Variants in ZNF385D observed in about 807,000 individuals in gnomAD.
The protein encoded by ZNF385D is zinc finger protein 659.
Under a neutral mutation model 35.8 loss-of-function variants are expected in ZNF385D, and 15 were observed. That is an observed-to-expected ratio of 0.42 (90% confidence interval 0.28 to 0.64). ZNF385D has a LOEUF of 0.64. ZNF385D is among the 30% of genes least tolerant of loss of function. The pLI is 0.23. For missense variants in ZNF385D, 474 were observed against 494.6 expected, an observed-to-expected ratio of 0.96 and a Z score of 0.39; for synonymous variants, 212 against 186.8, an observed-to-expected ratio of 1.13 and a Z score of -1.10.
intron 2 of ZNF385D, among the ~76,000 whole-genome samples, chr3:21,568,441 C>T (rs2063223172): frequency 6.6e-6 from 1 of 152,090 alleles, no homozygotes; most frequent in Non-Finnish European, 1.5e-5. Flanking sequence ...TATTGTTTTT[C>T]TCTCCAGGAA....
At chr3:21,796,189 C>A (rs752516341) in intron 3 of ZNF385D, among the ~76,000 whole-genome samples, 1 of 152,182 alleles carries the variant, frequency 6.6e-6, no homozygotes, top group South Asian at 2.1e-4. Flanking sequence ...GAGAACCTCA[C>A]TGCTGCAGTA....
intron 3 of ZNF385D, among the ~76,000 whole-genome samples, chr3:21,998,635 AGT>A (rs1695638116): frequency 6.6e-6 from 1 of 152,244 alleles, no homozygotes; most frequent in African/African-American, 2.4e-5. Flanking sequence ...ATTTGTTATT[AGT>A]GTGTTAATAA....
chr3:22,146,786 G>T (rs1306668078), intron 3 of ZNF385D, among the ~76,000 whole-genome samples: 1 of 152,016 alleles, frequency 6.6e-6, no homozygotes, highest in Admixed American at 6.6e-5. Context: ...ACACTAGATT[G>T]CTGAGTAGAC....
At chr3:21,725,400 T>G (rs1312988646) in intron 1 of ZNF385D, among the ~76,000 whole-genome samples, 1 of 152,096 alleles carries the variant, frequency 6.6e-6, no homozygotes, top group Non-Finnish European at 1.5e-5. Context: ...AGGAGCTGTT[T>G]TTTCGAAAAG....
At chr3:21,584,092 G>A (rs572596231) in intron 2 of ZNF385D, among the ~76,000 whole-genome samples, 20 of 151,964 alleles carry the variant, frequency 1.3e-4, no homozygotes, top group African/African-American at 4.8e-4. Flanking sequence ...TCCTGCCTCA[G>A]CCTCCCTAGT....
rs149907994 is a variant in ZNF385D, at chr3:22,020,197, T to C, written c.325+148620A>G. On this transcript the variant is annotated intron_variant, in intron 3 of 5. Coordinates refer to the ZNF385D transcript ENST00000494108. ...AATACATGACAAGGAATTCTTAAAGTGGTGTGGGGTACAGAATAATGACTG... is the reference window on the plus strand; with the variant it reads ...AATACATGACAAGGAATTCTTAAAGCGGTGTGGGGTACAGAATAATGACTG... 3.9e-3 allele frequency among the ~76,000 whole-genome samples: 591 copies of C among 151,928 alleles called. 2 individuals are homozygous for C. The highest frequency in any genetic ancestry group is 0.014 in the African/African-American group (561 of 41,478).
intron 1 of ZNF385D, among the ~76,000 whole-genome samples, chr3:21,712,409 T>C (rs2068147463): frequency 1.3e-5 from 2 of 152,178 alleles, no homozygotes; most frequent in Non-Finnish European, 2.9e-5. Flanking sequence ...GAACTCACGG[T>C]CTCTTCTCTT....
intron 3 of ZNF385D, among the ~76,000 whole-genome samples, chr3:21,992,870 T>C (rs1383283434): frequency 2.0e-5 from 3 of 152,196 alleles, no homozygotes; most frequent in Admixed American, 6.5e-5. Context: ...TTAGTATGCA[T>C]AGCTGATGAG....
intron 3 of ZNF385D, among the ~76,000 whole-genome samples, chr3:21,834,775 C>CTTGGATG (rs1695220862): frequency 6.6e-6 from 1 of 151,694 alleles, no homozygotes; most frequent in South Asian, 2.1e-4. Context: ...ATGAATGGAT[C>CTTGGATG]TTGGGGCAGT....
At chr3:21,758,353 A>T (rs541939426) in intron 3 of ZNF385D, among the ~76,000 whole-genome samples, 1 of 152,348 alleles carries the variant, frequency 6.6e-6, no homozygotes, top group East Asian at 1.9e-4. Context: ...TGCCATTAAC[A>T]TCAGACATTG....
At chr3:21,918,459 T>G (rs983279198) in intron 3 of ZNF385D, among the ~76,000 whole-genome samples, 1 of 151,464 alleles carries the variant, frequency 6.6e-6, no homozygotes, top group African/African-American at 2.4e-5. Flanking sequence ...AATTCTAAAA[T>G]TGTCTTTCTT....
At chr3:22,191,902 A>T (rs377677078) in intron 2 of ZNF385D, among the ~76,000 whole-genome samples, 1 of 104,510 alleles carries the variant, frequency 9.6e-6, no homozygotes, top group African/African-American at 5.9e-5. Context: ...ACTCTGAGGT[A>T]CCAATCTATA....
chr3:22,026,215 A>G (rs1043256804), intron 3 of ZNF385D, among the ~76,000 whole-genome samples: 1 of 152,206 alleles, frequency 6.6e-6, no homozygotes, highest in Non-Finnish European at 1.5e-5. Flanking sequence ...AATTTTAATT[A>G]TAAAAACAGA....
chr3:21,961,546 G>C (rs142218911), intron 3 of ZNF385D: 5 of 152,204 alleles, frequency 3.3e-5, no homozygotes, highest in African/African-American at 1.2e-4. Flanking sequence ...ACAAACTATA[G>C]TGATAAATAA....
At chr3:22,285,188 T>C (rs1281596725) in intron 2 of ZNF385D, among the ~76,000 whole-genome samples, 1 of 152,154 alleles carries the variant, frequency 6.6e-6, no homozygotes, top group Admixed American at 6.5e-5. Context: ...TTAGAGAACT[T>C]ATCTTCAAAC....
rs571881516 is a variant in ZNF385D at position 21,689,950 on chromosome 3, G to A, written c.23-24922C>T. 1.7e-4 allele frequency among the ~76,000 whole-genome samples: 25 copies of A among 151,094 alleles called. No homozygotes were observed. In the South Asian group the frequency reaches 1.9e-3, roughly 11 times the overall value. On this transcript the variant is annotated intron_variant, in intron 1 of 7. Transcript: ENST00000281523. ...AAATATAGAAATATATTTTGAATGA[G>A]ACTTTACAACTCTTAATGAGTGCAA...
Position 21,414,097 on chromosome 3 carries a change from T to G in ZNF385D, c.*7117A>C, listed in dbSNP as rs1700529404. 6.6e-6 allele frequency: 1 copy of G among 152,076 alleles called. No homozygotes were observed. Among genetic ancestry groups the G allele is most frequent in the Admixed American group, 6.6e-5 (1 of 15,250 alleles). The allele number at this position is 152,076 out of a possible 1,614,324, so 9.4% of individuals were successfully genotyped here. On this transcript the variant is annotated 3_prime_UTR_variant, in exon 8 of 8. Coordinates refer to ENST00000281523, the MANE Select transcript of ZNF385D (RefSeq NM_024697.3). ...AAAATTTCAGTGAATTAAATATTATTAGAAGAAATTATTGACTAAGTTTCA... is the reference window on the plus strand; with the variant it reads ...AAAATTTCAGTGAATTAAATATTATGAGAAGAAATTATTGACTAAGTTTCA...
chr3:21,502,603 C>A (rs548117157), intron 4 of ZNF385D, among the ~76,000 whole-genome samples: 1 of 152,116 alleles, frequency 6.6e-6, no homozygotes, highest in Non-Finnish European at 1.5e-5. Context: ...TATTTTGTTA[C>A]TTTTATGTCA....
At chr3:21,990,008 A>G (rs1410503908) in intron 3 of ZNF385D, among the ~76,000 whole-genome samples, 1 of 152,210 alleles carries the variant, frequency 6.6e-6, no homozygotes, top group African/African-American at 2.4e-5. Context: ...TTTTAGCTTT[A>G]AAGACAAATA....
Sources: gnomAD v4.1 joint callset for allele counts (sites outside exome capture counted in the v4.1 genomes callset) on GRCh38, gnomAD v4.1.1 for gene constraint, MANE v1.5 for transcripts, NCBI Gene and HGNC (gene_info 2026-07-23, HGNC 2026-07-21) for gene names.